The following LRRC4C variants were observed in gnomAD, a reference collection of about 807,000 sequenced individuals.
LRRC4C encodes the protein leucine rich repeat containing 4C.
LRRC4C carries 5 observed loss-of-function variants against 33.6 expected under a neutral mutation model. The ratio of observed to expected loss-of-function variants is 0.15; its 90% CI spans 0.08 to 0.31. The LOEUF is 0.31. LRRC4C is among the 10% of genes least tolerant of loss of function. The pLI is 1.00. For missense variants in LRRC4C, 560 were observed against 796.7 expected, an observed-to-expected ratio of 0.70 and a Z score of 3.58; for synonymous variants, 329 against 302.0, an observed-to-expected ratio of 1.09 and a Z score of -0.93.
chr11:40,881,346 CAT>C (rs1361878240), intron 2 of LRRC4C, among the ~76,000 whole-genome samples: 2 of 152,226 alleles, frequency 1.3e-5, no homozygotes, highest in African/African-American at 4.8e-5. Context: ...ATCTAGGACA[CAT>C]GTCTTACTCA....
chr11:40,494,480 T>C (rs770132889), intron 3 of LRRC4C, among the ~76,000 whole-genome samples: 2 of 152,192 alleles, frequency 1.3e-5, no homozygotes, highest in African/African-American at 4.8e-5. Context: ...TGTTGACATT[T>C]ATATACTGGG....
intron 3 of LRRC4C, among the ~76,000 whole-genome samples, chr11:40,389,112 T>C (rs1384910271): frequency 6.6e-6 from 1 of 152,156 alleles, no homozygotes; most frequent in Non-Finnish European, 1.5e-5. Flanking sequence ...AAATGGGCCA[T>C]TTATTATTTA....
intron 1 of LRRC4C, among the ~76,000 whole-genome samples, chr11:41,215,487 C>CA (rs764578889): frequency 0.062 from 3,969 of 63,510 alleles, 115 homozygotes; most frequent in African/African-American, 0.12. Flanking sequence ...AATTCCATCT[C>CA]AAAAAAAAAA....
rs562876323 is a variant in LRRC4C at position 40,357,054 on chromosome 11, C to T, written c.-269-37333G>A. On this transcript the variant is annotated intron_variant, in intron 3 of 6. Coordinates refer to ENST00000528697, the MANE Select transcript of LRRC4C (RefSeq NM_001258419.2). The stretch of plus-strand genomic sequence containing the variant: ...ACACTGTAAACCATATATTCTATTG[C>T]TATCCCTAAAATTGTGAACAAATTT... Among the ~76,000 whole-genome samples, 4 of 152,202 alleles carry T rather than the reference C, an allele frequency of 2.6e-5. No homozygotes were observed. In the South Asian group the frequency reaches 8.3e-4, roughly 32 times the overall value.
At chr11:40,332,876 A>G (rs1193587692) in intron 3 of LRRC4C, among the ~76,000 whole-genome samples, 1 of 152,202 alleles carries the variant, frequency 6.6e-6, no homozygotes, top group Admixed American at 6.5e-5. Context: ...GCATCTGCAT[A>G]TATCTTCACT....
intron 1 of LRRC4C, among the ~76,000 whole-genome samples, chr11:41,430,072 C>T (rs1001700000): frequency 1.3e-5 from 2 of 152,104 alleles, no homozygotes; most frequent in Non-Finnish European, 2.9e-5. Context: ...TAGAGCTAAG[C>T]TGCCTGGCTT....
intron 2 of LRRC4C, among the ~76,000 whole-genome samples, chr11:40,671,252 A>C (rs1944090667): frequency 6.6e-6 from 1 of 152,214 alleles, no homozygotes; most frequent in African/African-American, 2.4e-5. Context: ...TTAAATTATT[A>C]AAGAAGCTTT....
intron 3 of LRRC4C, among the ~76,000 whole-genome samples, chr11:40,380,317 T>A (rs1034895567): frequency 1.3e-5 from 2 of 152,160 alleles, no homozygotes; most frequent in African/African-American, 4.8e-5. Context: ...TTCCAAAGAA[T>A]CCTTTGTTCT....
intron 5 of LRRC4C, among the ~76,000 whole-genome samples, chr11:40,170,376 G>A (rs1815592436): frequency 1.3e-5 from 2 of 152,144 alleles, no homozygotes; most frequent in Non-Finnish European, 2.9e-5. Flanking sequence ...GGCTCACTCG[G>A]TGAAAACATC....
At chr11:40,544,847 A>G (rs925930207) in intron 3 of LRRC4C, among the ~76,000 whole-genome samples, 2 of 151,896 alleles carry the variant, frequency 1.3e-5, no homozygotes, top group Non-Finnish European at 2.9e-5. Flanking sequence ...CTTTATTTCT[A>G]TAAAGGGTTA....
At chr11:41,422,956 C>A (rs977625849) in intron 1 of LRRC4C, among the ~76,000 whole-genome samples, 3 of 152,016 alleles carry the variant, frequency 2.0e-5, no homozygotes, top group African/African-American at 7.2e-5. Context: ...CTGCTAGTTT[C>A]ATCATTGGAA....
intron 1 of LRRC4C, among the ~76,000 whole-genome samples, chr11:41,248,613 C>T (rs1242529911): frequency 1.3e-5 from 2 of 152,120 alleles, no homozygotes; most frequent in Non-Finnish European, 2.9e-5. Flanking sequence ...ACAGGAACCA[C>T]CCACAGATCT....
intron 1 of LRRC4C, among the ~76,000 whole-genome samples, chr11:41,135,809 A>T (rs1590712616): frequency 6.6e-6 from 1 of 152,190 alleles, no homozygotes; most frequent in Admixed American, 6.5e-5. Context: ...GCCCAGAGAC[A>T]TTTAGTGACT....
chr11:40,372,555 G>A (rs778496051), intron 3 of LRRC4C, among the ~76,000 whole-genome samples: 8 of 152,184 alleles, frequency 5.3e-5, no homozygotes, highest in Middle Eastern at 3.4e-3. Flanking sequence ...CTCTTTTGCC[G>A]CGTAACATAA....
At chr11:40,980,521 A>T in intron 1 of LRRC4C, among the ~76,000 whole-genome samples, 1 of 152,168 alleles carries the variant, frequency 6.6e-6, no homozygotes, top group Non-Finnish European at 1.5e-5. Flanking sequence ...TTTCTGGGGT[A>T]TGTAAATAAG....
intron 2 of LRRC4C, among the ~76,000 whole-genome samples, chr11:40,829,073 G>C (rs1196611283): frequency 6.6e-6 from 1 of 151,846 alleles, no homozygotes; most frequent in African/African-American, 2.4e-5. Flanking sequence ...CTGATGCCCA[G>C]TAATGTTTAC....
At chr11:41,252,006 T>C (rs1948654108) in intron 1 of LRRC4C, among the ~76,000 whole-genome samples, 1 of 152,094 alleles carries the variant, frequency 6.6e-6, no homozygotes, top group South Asian at 2.1e-4. Context: ...GGTGTTAATA[T>C]GAAAAAAAGA....
Position 41,063,449 on chromosome 11 carries a change from A to T in LRRC4C, c.-495-129726T>A, listed in dbSNP as rs139964721. 3.6e-3 allele frequency among the ~76,000 whole-genome samples: 545 copies of T among 152,288 alleles called. 2 individuals carry two copies. The highest frequency in any genetic ancestry group is 5.2e-3 in the Non-Finnish European group (354 of 68,028). ...GGGCTAAGAGGCAAATAAAGTATAT[A>T]AGAATGATGGAGAGTTTGTTATAGG... On this transcript the variant is annotated intron_variant, in intron 1 of 6. Transcript: ENST00000528697.
chr11:41,028,351 A>C (rs1266866142), intron 1 of LRRC4C, among the ~76,000 whole-genome samples: 1 of 151,658 alleles, frequency 6.6e-6, no homozygotes. Flanking sequence ...CTTTTGATTA[A>C]ATAGTAAGAA....
Sources: allele counts gnomAD v4.1 joint callset (sites outside exome capture counted in the v4.1 genomes callset), GRCh38; gene constraint gnomAD v4.1.1; transcripts MANE v1.5; gene names NCBI Gene and HGNC (gene_info 2026-07-23, HGNC 2026-07-21).